TENM3: variants seen among roughly 807,000 people sequenced by gnomAD.
TENM3 encodes the protein teneurin transmembrane protein 3.
TENM3 carries 63 observed loss-of-function variants against 255.1 expected under a neutral mutation model. The ratio of observed to expected loss-of-function variants is 0.25; its 90% CI spans 0.20 to 0.30. The LOEUF is 0.30. TENM3 is among the 10% of genes least tolerant of loss of function. The probability of loss-of-function intolerance (pLI) is 1.00; values close to 1 mark genes in which losing one functional copy is unlikely to be tolerated. For missense variants in TENM3, 2,929 were observed against 3,461.1 expected, an observed-to-expected ratio of 0.85 and a Z score of 3.86; for synonymous variants, 1,306 against 1,322.3, an observed-to-expected ratio of 0.99 and a Z score of 0.27.
At chr4:182,399,707 G>A (rs112501350) in intron 3 of TENM3, among the ~76,000 whole-genome samples, 1 of 152,306 alleles carries the variant, frequency 6.6e-6, no homozygotes, top group Non-Finnish European at 1.5e-5. Flanking sequence ...CATGGAAGAT[G>A]AAAAACATAC....
chr4:181,913,190 A>G, the TENM3 span, among the ~76,000 whole-genome samples: 2 of 152,216 alleles, frequency 1.3e-5, no homozygotes, highest in African/African-American at 2.4e-5. Context: ...TTAATGAGCC[A>G]TGTGCACTAA....
At chr4:181,609,600 G>A in the TENM3 span, among the ~76,000 whole-genome samples, 2 of 152,150 alleles carry the variant, frequency 1.3e-5, no homozygotes, top group East Asian at 1.9e-4. Context: ...TCCGTGCTTC[G>A]TTCCATAGTT....
chr4:181,623,898 T>C, the TENM3 span, among the ~76,000 whole-genome samples: 3 of 152,328 alleles, frequency 2.0e-5, no homozygotes, highest in East Asian at 3.9e-4. Flanking sequence ...TTAATATTGA[T>C]GTGCTATTTC....
chr4:181,758,257 C>T, the TENM3 span, among the ~76,000 whole-genome samples: 1 of 152,178 alleles, frequency 6.6e-6, no homozygotes. Flanking sequence ...GGACAGAAGG[C>T]CCAGCAGAAG....
At chr4:181,550,506 A>T in the TENM3 span, among the ~76,000 whole-genome samples, 1 of 152,154 alleles carries the variant, frequency 6.6e-6, no homozygotes, top group African/African-American at 2.4e-5. Flanking sequence ...GTGGTCAATG[A>T]TCGAGTCTTT....
At chr4:182,770,050 G>T (rs1048322085) in intron 22 of TENM3, among the ~76,000 whole-genome samples, 1 of 150,144 alleles carries the variant, frequency 6.7e-6, no homozygotes, top group Non-Finnish European at 1.5e-5. Flanking sequence ...AGGTTGCAGT[G>T]AGCCGAGATC....
At chr4:181,986,010 G>A in the TENM3 span, among the ~76,000 whole-genome samples, 6 of 151,926 alleles carry the variant, frequency 3.9e-5, no homozygotes, top group East Asian at 1.9e-4. Context: ...TGCCAAAGTC[G>A]AAATCCACAG....
chr4:182,583,222 A>G (rs1323391430), intron 3 of TENM3, among the ~76,000 whole-genome samples: 1 of 152,126 alleles, frequency 6.6e-6, no homozygotes, highest in Non-Finnish European at 1.5e-5. Flanking sequence ...TGTCCTTTAC[A>G]ATGTTTTAAA....
chr4:181,532,132 G>A, the TENM3 span, among the ~76,000 whole-genome samples: 4 of 152,180 alleles, frequency 2.6e-5, no homozygotes, highest in East Asian at 1.9e-4. Flanking sequence ...GGGTCCCACC[G>A]GCTGGGTTTT....
the TENM3 span, among the ~76,000 whole-genome samples, chr4:181,752,810 A>G: frequency 6.6e-6 from 1 of 152,140 alleles, no homozygotes; most frequent in Admixed American, 6.6e-5. Flanking sequence ...TTTTAAAATC[A>G]TGGCATATCA....
upstream of TENM3, chr4:182,141,980 A>C (rs1011617280): frequency 6.6e-6 from 1 of 152,162 alleles, no homozygotes; most frequent in Admixed American, 6.5e-5. Context: ...TTAAAGACCT[A>C]ATACTTTTGT....
At chr4:182,212,197 C>T (rs1579742399) in intron 1 of TENM3, among the ~76,000 whole-genome samples, 1 of 152,228 alleles carries the variant, frequency 6.6e-6, no homozygotes, top group East Asian at 1.9e-4. Context: ...CAAGTGAAAC[C>T]AAGACTGATA....
chr4:181,802,914 TG>T, the TENM3 span, among the ~76,000 whole-genome samples: 5 of 152,180 alleles, frequency 3.3e-5, no homozygotes, highest in African/African-American at 1.2e-4. Flanking sequence ...TTACTCCATT[TG>T]GGGGGTTTTA....
the TENM3 span, among the ~76,000 whole-genome samples, chr4:181,546,716 A>G: frequency 1.4e-4 from 14 of 98,578 alleles, no homozygotes; most frequent in South Asian, 3.1e-4. Flanking sequence ...TCCGTCTCAG[A>G]AAAAAAAAAA....
chr4:182,079,793 T>G, the TENM3 span: 1 of 152,342 alleles, frequency 6.6e-6, no homozygotes, highest in Non-Finnish European at 1.5e-5. Flanking sequence ...GAATTTCGTT[T>G]CGTTCTGAGA....
At chr4:182,056,128 CACT>C in the TENM3 span, among the ~76,000 whole-genome samples, 2 of 152,030 alleles carry the variant, frequency 1.3e-5, no homozygotes, top group Non-Finnish European at 2.9e-5. Flanking sequence ...ACCAAGATCC[CACT>C]GAGTTACGTG....
intron 13 of TENM3, among the ~76,000 whole-genome samples, chr4:182,715,317 C>G (rs1442541695): frequency 6.6e-6 from 1 of 152,242 alleles, no homozygotes; most frequent in Non-Finnish European, 1.5e-5. Flanking sequence ...ACCATTCTCT[C>G]TGCTCTTTTT....
chr4:182,307,444 C>T (rs1008713775), intron 1 of TENM3, among the ~76,000 whole-genome samples: 1 of 152,130 alleles, frequency 6.6e-6, no homozygotes, highest in Non-Finnish European at 1.5e-5. Flanking sequence ...GGACAAAATG[C>T]CAACACCCAG....
At chr4:182,233,291 C>T (rs1446889394) in intron 1 of TENM3, among the ~76,000 whole-genome samples, 1 of 152,228 alleles carries the variant, frequency 6.6e-6, no homozygotes, top group Admixed American at 6.5e-5. Flanking sequence ...GACGTCCACA[C>T]ATGATCCCAC....
Sources: gnomAD v4.1 joint callset for allele counts (sites outside exome capture counted in the v4.1 genomes callset) on GRCh38, gnomAD v4.1.1 for gene constraint, MANE v1.5 for transcripts, NCBI Gene and HGNC (gene_info 2026-07-23, HGNC 2026-07-21) for gene names.